The following OXCT1 variants were observed in gnomAD, a reference collection of about 807,000 sequenced individuals.
OXCT1 encodes the protein succinyl-CoA:3-ketoacid coenzyme A transferase 1, mitochondrial.
A neutral mutation model predicts 69.6 loss-of-function variants in OXCT1; 27 were observed. The ratio of observed to expected loss-of-function variants is 0.39; its 90% CI spans 0.29 to 0.54. The LOEUF is 0.54. Among genes scored for constraint, OXCT1 ranks in the 20% least tolerant of loss-of-function variants. The probability of loss-of-function intolerance (pLI) is 0.72; values close to 1 mark genes in which losing one functional copy is unlikely to be tolerated. For synonymous variants in OXCT1, 202 were observed against 217.8 expected (o/e 0.93, Z 0.64); for missense variants, 437 against 650.2 (o/e 0.67, Z 3.57).
At chr5:41,860,930 C>T (rs1749700876) in intron 3 of OXCT1, among the ~76,000 whole-genome samples, 1 of 151,780 alleles carries the variant, frequency 6.6e-6, no homozygotes, top group South Asian at 2.1e-4. Flanking sequence ...CAAATTGATG[C>T]CCACCTTGCT....
intron 15 of OXCT1, among the ~76,000 whole-genome samples, chr5:41,743,716 G>A (rs1474946862): frequency 6.6e-6 from 1 of 152,194 alleles, no homozygotes; most frequent in East Asian, 1.9e-4. Flanking sequence ...AGTTTTCCCA[G>A]CACCATTTAT....
At chr5:41,819,456 C>T (rs1470104915) in intron 7 of OXCT1, among the ~76,000 whole-genome samples, 1 of 152,032 alleles carries the variant, frequency 6.6e-6, no homozygotes, top group Non-Finnish European at 1.5e-5. Flanking sequence ...CTGCAACCTC[C>T]GCCTCCCGGG....
intron 14 of OXCT1, among the ~76,000 whole-genome samples, chr5:41,753,903 T>A (rs1159304503): frequency 1.3e-5 from 2 of 152,088 alleles, no homozygotes; most frequent in African/African-American, 4.8e-5. Context: ...ACTCGTACAT[T>A]CCTAGTATCT....
At chr5:41,848,014 T>C (rs984014858) in intron 5 of OXCT1, among the ~76,000 whole-genome samples, 8 of 149,102 alleles carry the variant, frequency 5.4e-5, no homozygotes, top group Non-Finnish European at 1.0e-4. Flanking sequence ...ACGACATGAT[T>C]GTATATCTAG....
At chr5:41,807,860 T>A (rs529568796) in intron 7 of OXCT1, among the ~76,000 whole-genome samples, 1 of 152,034 alleles carries the variant, frequency 6.6e-6, no homozygotes, top group Non-Finnish European at 1.5e-5. Flanking sequence ...TGTAATAACA[T>A]CTGCTTGGTC....
intron 14 of OXCT1, among the ~76,000 whole-genome samples, chr5:41,759,099 A>AG (rs1328805162): frequency 6.6e-6 from 1 of 151,842 alleles, no homozygotes; most frequent in Non-Finnish European, 1.5e-5. Context: ...TGAAAAAAAA[A>AG]AAAAAAAACC....
At chr5:41,810,498 C>T (rs1746919895) in intron 7 of OXCT1, among the ~76,000 whole-genome samples, 1 of 151,990 alleles carries the variant, frequency 6.6e-6, no homozygotes, top group South Asian at 2.1e-4. Context: ...TCATGCCCCA[C>T]CACTTGCTAC....
chr5:41,816,194 C>A (rs1747235160), intron 7 of OXCT1, among the ~76,000 whole-genome samples: 1 of 152,132 alleles, frequency 6.6e-6, no homozygotes, highest in African/African-American at 2.4e-5. Context: ...GTTTTCATTT[C>A]TCTAGAGCAG....
intron 1 of OXCT1, 26 bp from the exon 2 acceptor site, chr5:41,862,776 A>G: frequency 6.5e-6 from 9 of 1,382,258 alleles, no homozygotes; most frequent in Middle Eastern, 1.8e-4. Flanking sequence ...AAAAAAATTG[A>G]TAATCATTTG....
At chr5:41,742,541 T>G (rs1743222795) in intron 15 of OXCT1, among the ~76,000 whole-genome samples, 1 of 152,220 alleles carries the variant, frequency 6.6e-6, no homozygotes, top group Non-Finnish European at 1.5e-5. Context: ...TGCAGGTTTG[T>G]TACATATGTA....
chr5:41,780,902 C>A lies in OXCT1; in HGVS notation c.1248+13101G>T, dbSNP rs58184913. Among the ~76,000 whole-genome samples, 9 of 151,860 alleles carry A rather than the reference C, an allele frequency of 5.9e-5. No individual in the cohort carries two copies. The East Asian group carries it at 1.7e-3, about 29-fold the overall frequency. Reference sequence around the variant, plus strand: ...TGCACTGACCTTATAGTACTGTCTCCCACATTTTTTTTTTTTTTTGAGACG... The same window carrying A: ...TGCACTGACCTTATAGTACTGTCTCACACATTTTTTTTTTTTTTTGAGACG... On this transcript the variant is annotated intron_variant, in intron 13 of 16. Coordinates refer to ENST00000196371, the MANE Select transcript of OXCT1 (RefSeq NM_000436.4).
intron 7 of OXCT1, among the ~76,000 whole-genome samples, chr5:41,826,891 G>A (rs567840492): frequency 8.9e-4 from 135 of 152,198 alleles, no homozygotes; most frequent in Admixed American, 2.5e-3. Flanking sequence ...GATCATCCCA[G>A]GTTTCCCCGT....
In OXCT1 at chr5:41,794,844, A is replaced by C. The variant is rs1746099807; in HGVS notation, c.1100-95T>G. On this transcript the variant is annotated intron_variant, in intron 11 of 16. Coordinates refer to ENST00000196371, the MANE Select transcript of OXCT1 (RefSeq NM_000436.4). ...TCCACATCTTCTCCATTCCCAAAAG[A>C]ACTTAAGCTCCCTTTACCAAAATGC... 3.6e-6 allele frequency: 5 copies of C among 1,371,964 alleles called. No homozygotes were observed. The Admixed American group carries it at 7.0e-5, about 19-fold the overall frequency. 85.0% of individuals were successfully genotyped at this position (1,371,964 alleles called of 1,614,324 possible). A position where few individuals can be genotyped will look rare whatever the true frequency, so the allele number is the denominator to read the frequency against.
chr5:41,853,802 C>A (rs1749303518), intron 3 of OXCT1: 10 of 561,044 alleles, frequency 1.8e-5, no homozygotes, highest in South Asian at 1.7e-4. Flanking sequence ...ATGCACAGGG[C>A]AAGGTCTTGG....
intron 7 of OXCT1, among the ~76,000 whole-genome samples, chr5:41,807,743 C>T (rs1454845443): frequency 6.6e-6 from 1 of 152,026 alleles, no homozygotes; most frequent in Non-Finnish European, 1.5e-5. Context: ...GTCAGTACAG[C>T]AGCTTGAACT....
intron 1 of OXCT1, among the ~76,000 whole-genome samples, chr5:41,867,963 G>A (rs1409322124): frequency 6.6e-6 from 1 of 152,154 alleles, no homozygotes; most frequent in African/African-American, 2.4e-5. Context: ...AACTCTGAAA[G>A]GGGCAGTCAG....
chr5:41,735,488 G>T (rs1325991806), intron 16 of OXCT1, among the ~76,000 whole-genome samples: 1 of 152,182 alleles, frequency 6.6e-6, no homozygotes, highest in Non-Finnish European at 1.5e-5. Context: ...AGTTATAAAA[G>T]TTCTAGAGAT....
chr5:41,814,225 T>G (rs1465027915), intron 7 of OXCT1, among the ~76,000 whole-genome samples: 5 of 151,988 alleles, frequency 3.3e-5, no homozygotes, highest in African/African-American at 7.2e-5. Context: ...AGACAGAAAA[T>G]GATCTCTACT....
In OXCT1 at chr5:41,731,723, C is replaced by A. The variant is rs1346891796; in HGVS notation, c.*6G>T. 2.5e-6 allele frequency: 4 copies of A among 1,606,258 alleles called. No homozygotes were observed. The highest frequency in any genetic ancestry group is 3.4e-6 in the Non-Finnish European group (4 of 1,176,060). ...AAACACGCAGCCTGGTACAAATATC[C>A]ATATTTCAATTTGCGATCTGCTGCA... On this transcript the variant is annotated 3_prime_UTR_variant, in exon 17 of 17. Coordinates refer to ENST00000196371, the MANE Select transcript of OXCT1 (RefSeq NM_000436.4).
Sources: gnomAD v4.1 joint callset for allele counts (sites outside exome capture counted in the v4.1 genomes callset) on GRCh38, gnomAD v4.1.1 for gene constraint, MANE v1.5 for transcripts, NCBI Gene and HGNC (gene_info 2026-07-23, HGNC 2026-07-21) for gene names.